Variants in VGLL4 observed in about 807,000 individuals in gnomAD.
VGLL4 encodes transcription cofactor vestigial-like protein 4.
Under a neutral mutation model 21.0 loss-of-function variants are expected in VGLL4, and 7 were observed. The ratio of observed to expected loss-of-function variants is 0.33; its 90% CI spans 0.19 to 0.63. VGLL4 has a LOEUF of 0.63. Ranked by LOEUF, VGLL4 falls within the 20% of genes least tolerant of loss-of-function variation. VGLL4 has a pLI of 0.78. For missense variants in VGLL4, 394 were observed against 425.7 expected, an observed-to-expected ratio of 0.93 and a Z score of 0.66; for synonymous variants, 222 against 173.2, an observed-to-expected ratio of 1.28 and a Z score of -2.21.
At chr3:11,713,806 T>C (rs2076882876) in intron 1 of VGLL4, among the ~76,000 whole-genome samples, 1 of 151,846 alleles carries the variant, frequency 6.6e-6, no homozygotes, top group Non-Finnish European at 1.5e-5. Flanking sequence ...CCACCTCCCA[T>C]GACCTCAACA....
chr3:11,602,217 A>T (rs1419695722), intron 1 of VGLL4, among the ~76,000 whole-genome samples, 195 bp from the exon 2 acceptor site: 1 of 152,190 alleles, frequency 6.6e-6, no homozygotes, highest in African/African-American at 2.4e-5. Context: ...GACATTTTAC[A>T]TCAACGTGGT....
intron 2 of VGLL4, among the ~76,000 whole-genome samples, chr3:11,669,864 A>G (rs566682819): frequency 1.9e-3 from 292 of 152,160 alleles, no homozygotes; most frequent in Non-Finnish European, 3.5e-3. Flanking sequence ...AATTTTTTGT[A>G]GAGATAGGGC....
intron 2 of VGLL4, among the ~76,000 whole-genome samples, chr3:11,668,628 A>G (rs192465206): frequency 2.0e-3 from 298 of 152,338 alleles, no homozygotes; most frequent in African/African-American, 7.1e-3. Flanking sequence ...TTCAATGGCC[A>G]CAGTATAAAG....
intron 2 of VGLL4, among the ~76,000 whole-genome samples, chr3:11,701,644 G>A (rs1469911296): frequency 6.6e-6 from 1 of 152,122 alleles, no homozygotes; most frequent in African/African-American, 2.4e-5. Context: ...GTTGCTCCAT[G>A]TTACTAATGA....
chr3:11,628,006 T>C (rs1215523114), intron 1 of VGLL4, among the ~76,000 whole-genome samples: 2 of 152,200 alleles, frequency 1.3e-5, no homozygotes, highest in African/African-American at 4.8e-5. Context: ...CATGAGAGGC[T>C]TCTGAAGGCC....
Position 11,568,626 on chromosome 3 carries a change from T to A in VGLL4, c.273-3607A>T, listed in dbSNP as rs1257860956. ...TCACATTTCCAGCTCATTTTCCTGG[T>A]TCCCGGAGCTTCAAGACAGACATTG... On this transcript the variant is annotated intron_variant, in intron 2 of 4. Coordinates refer to ENST00000430365, the MANE Select transcript of VGLL4 (RefSeq NM_001128219.3). The surrounding 1 kb of genome is among the most constrained non-coding windows in gnomAD (Gnocchi z 5.9). 2 of 1,569,294 alleles carry A rather than the reference T, an allele frequency of 1.3e-6. No individual in the cohort carries two copies. The highest frequency in any genetic ancestry group is 3.7e-5 in the Admixed American group (2 of 54,044).
intron 2 of VGLL4, among the ~76,000 whole-genome samples, chr3:11,587,767 T>C (rs186111058): frequency 2.6e-5 from 4 of 152,332 alleles, no homozygotes; most frequent in Admixed American, 2.0e-4. Context: ...CCTCACTTTA[T>C]GTTCACACTT....
At chr3:11,714,358 C>G (rs1304913523) in intron 1 of VGLL4, among the ~76,000 whole-genome samples, 1 of 152,128 alleles carries the variant, frequency 6.6e-6, no homozygotes, top group East Asian at 1.9e-4. Flanking sequence ...TCTGAGCAGA[C>G]TACCAATTCC....
chr3:11,627,944 T>C (rs997375130), intron 1 of VGLL4, among the ~76,000 whole-genome samples: 5 of 152,212 alleles, frequency 3.3e-5, no homozygotes, highest in African/African-American at 9.7e-5. Flanking sequence ...CTCTAGTGCA[T>C]AGGAGGATTA....
chr3:11,697,558 G>A (rs1331829238), intron 2 of VGLL4, among the ~76,000 whole-genome samples: 1 of 152,078 alleles, frequency 6.6e-6, no homozygotes, highest in Non-Finnish European at 1.5e-5. Flanking sequence ...AGGTTCACTT[G>A]GCTGATGCAG....
intron 1 of VGLL4, chr3:11,610,296 C>G (rs759745029): frequency 2.0e-4 from 31 of 152,236 alleles, no homozygotes; most frequent in Non-Finnish European, 2.9e-4. Flanking sequence ...GGTCGAGCAG[C>G]TGGGGAGAAG....
intron 2 of VGLL4, among the ~76,000 whole-genome samples, chr3:11,691,861 G>A (rs1265935495): frequency 1.3e-5 from 2 of 151,694 alleles, no homozygotes; most frequent in Non-Finnish European, 2.9e-5. Flanking sequence ...AATGAGCTCA[G>A]AAGACATCTC....
At chr3:11,637,619 C>T (rs1025140939) in intron 1 of VGLL4, among the ~76,000 whole-genome samples, 2 of 152,076 alleles carry the variant, frequency 1.3e-5, no homozygotes, top group African/African-American at 4.8e-5. Flanking sequence ...TACATAATAC[C>T]TTGAAATTAA....
chr3:11,660,359 C>A (rs2076021315), intron 2 of VGLL4, among the ~76,000 whole-genome samples: 1 of 152,140 alleles, frequency 6.6e-6, no homozygotes, highest in East Asian at 1.9e-4. Context: ...TTTCTCATGG[C>A]ATTTAATATG....
chr3:11,637,611 C>A (rs566264491), intron 1 of VGLL4, among the ~76,000 whole-genome samples: 7 of 152,184 alleles, frequency 4.6e-5, no homozygotes, highest in Non-Finnish European at 1.0e-4. Context: ...ACATTCTATA[C>A]ATAATACCTT....
rs1392117215 is a variant in VGLL4 at position 11,719,603 on chromosome 3, C to A, written c.-14+791G>T. Reference sequence around the variant, plus strand: ...CACGCACACGCACGCGCGGACCGGGCCGGCGGACGGGAGCGCGGGAGCGCG... The same window carrying A: ...CACGCACACGCACGCGCGGACCGGGACGGCGGACGGGAGCGCGGGAGCGCG... On this transcript the variant is annotated intron_variant, in intron 1 of 5. Transcript: ENST00000273038. The surrounding 1 kb of genome is among the most constrained non-coding windows in gnomAD (Gnocchi z 4.0). The A allele has an allele frequency of 6.6e-6, 1 of 152,082 alleles. No individual in the cohort carries two copies. Among genetic ancestry groups the A allele is most frequent in the Admixed American group, 6.5e-5 (1 of 15,272 alleles). The allele number at this position is 152,082 out of a possible 1,614,324, so 9.4% of individuals were successfully genotyped here. A position where few individuals can be genotyped will look rare whatever the true frequency, so the allele number is the denominator to read the frequency against.
At chr3:11,676,723 T>C (rs891150477) in intron 2 of VGLL4, among the ~76,000 whole-genome samples, 2 of 152,010 alleles carry the variant, frequency 1.3e-5, no homozygotes, top group African/African-American at 4.8e-5. Flanking sequence ...TTCAGCAATC[T>C]TCCTAGAATT....
chr3:11,643,622 A>G lies in VGLL4; in HGVS notation c.-104T>C, dbSNP rs1442180991. The G allele has an allele frequency of 6.3e-7, 1 of 1,578,602 alleles. No individual in the cohort carries two copies. The highest frequency in any genetic ancestry group is 8.6e-7 in the Non-Finnish European group (1 of 1,165,842). The stretch of plus-strand genomic sequence containing the variant: ...TAGCTCCTGGCTCTTCAACTTCACA[A>G]AGGCAGAGGCCCAGCCTCAGACTAT... On this transcript the variant is annotated 5_prime_UTR_variant, in exon 1 of 5. Transcript: ENST00000430365.
At chr3:11,608,504 T>A (rs1379975098) in intron 1 of VGLL4, among the ~76,000 whole-genome samples, 1 of 152,190 alleles carries the variant, frequency 6.6e-6, no homozygotes, top group East Asian at 1.9e-4. Flanking sequence ...TTTATTTCAA[T>A]GGCAGAGAAG....
Sources: allele counts gnomAD v4.1 joint callset (sites outside exome capture counted in the v4.1 genomes callset), GRCh38; gene constraint gnomAD v4.1.1; non-coding constraint Gnocchi (gnomAD v3.1); transcripts MANE v1.5; gene names NCBI Gene and HGNC (gene_info 2026-07-23, HGNC 2026-07-21).